TXNRD3: variants seen among roughly 807,000 people sequenced by gnomAD.
The protein encoded by TXNRD3 is thioredoxin reductase 3.
A neutral mutation model predicts 78.2 loss-of-function variants in TXNRD3; 68 were observed. The ratio of observed to expected loss-of-function variants is 0.87; its 90% CI spans 0.72 to 1.06. TXNRD3 has a LOEUF of 1.06. Ranked by LOEUF, TXNRD3 falls within the 50% of genes least tolerant of loss-of-function variation. The probability of loss-of-function intolerance (pLI) is 0.00; values close to 1 mark genes in which losing one functional copy is unlikely to be tolerated. For missense variants in TXNRD3, 751 were observed against 809.5 expected (o/e 0.93, Z 0.88); for synonymous variants, 296 against 300.1 (o/e 0.99, Z 0.14).
At chr3:126,631,016 CTT>C (rs1179061605) in intron 8 of TXNRD3, 79 bp from the exon 9 acceptor site, 1 of 1,299,836 alleles carries the variant, frequency 7.7e-7, no homozygotes, top group African/African-American at 1.5e-5. Flanking sequence ...GTATAATGGT[CTT>C]GTGATGACTG....
At position 126,615,294 on chromosome 3, in the gene TXNRD3, G is replaced by A. The variant is rs543752440; in HGVS notation, c.1632+61C>T. ...CAAAATGATGAAATAAAAAGTGACC[G>A]CAAAGATAAATTGTTGATTAAAAGA... On this transcript the variant is annotated intron_variant, in intron 13 of 15. Transcript: ENST00000524230. 107 of 742,582 alleles carry A rather than the reference G, an allele frequency of 1.4e-4. 1 individual carries two copies. Among genetic ancestry groups the A allele is most frequent in the Middle Eastern group, 1.4e-3 (4 of 2,940 alleles). 46.0% of individuals were successfully genotyped at this position (742,582 alleles called of 1,614,324 possible). A position where few individuals can be genotyped will look rare whatever the true frequency, so the allele number is the denominator to read the frequency against.
chr3:126,653,327 A>C (rs1343961746), intron 1 of TXNRD3, among the ~76,000 whole-genome samples: 1 of 152,262 alleles, frequency 6.6e-6, no homozygotes, highest in Non-Finnish European at 1.5e-5. Context: ...CCAAAGAATA[A>C]GCATCCTAAA....
chr3:126,627,891 A>C (rs1938616130), intron 10 of TXNRD3, among the ~76,000 whole-genome samples: 1 of 152,228 alleles, frequency 6.6e-6, no homozygotes, highest in Non-Finnish European at 1.5e-5. Flanking sequence ...TTGATACTCA[A>C]ACCTAAAATT....
intron 6 of TXNRD3, among the ~76,000 whole-genome samples, chr3:126,637,963 T>TTTG (rs1932949799): frequency 9.7e-6 from 1 of 102,578 alleles, no homozygotes; most frequent in African/African-American, 3.4e-5. Context: ...TTTTTTTTTT[T>TTTG]GAGATGGAGT....
intron 8 of TXNRD3, 63 bp from the exon 9 acceptor site, chr3:126,631,000 T>G (rs1938702134): frequency 6.9e-7 from 1 of 1,449,254 alleles, no homozygotes; most frequent in African/African-American, 1.4e-5. Context: ...TTATTCATGT[T>G]TCAGTGTATA....
intron 13 of TXNRD3, among the ~76,000 whole-genome samples, chr3:126,612,552 C>T (rs886724145): frequency 2.6e-5 from 4 of 152,100 alleles, no homozygotes; most frequent in African/African-American, 4.8e-5. Context: ...AAACTCGGCT[C>T]ACCGCAAGCT....
chr3:126,651,194 G>A (rs749729104), intron 1 of TXNRD3, among the ~76,000 whole-genome samples: 2 of 152,100 alleles, frequency 1.3e-5, no homozygotes, highest in Admixed American at 6.5e-5. Flanking sequence ...GTTAGTGAGC[G>A]GCCACATGTA....
chr3:126,611,939 G>A (rs1938206837), intron 13 of TXNRD3, among the ~76,000 whole-genome samples: 1 of 152,014 alleles, frequency 6.6e-6, no homozygotes. Context: ...TTATTAAGGA[G>A]GTATCACAAT....
chr3:126,654,619 A>C (rs929917223), intron 1 of TXNRD3, 129 bp downstream of exon 1: 7 of 409,622 alleles, frequency 1.7e-5, no homozygotes, highest in Non-Finnish European at 2.6e-5. Flanking sequence ...AGAGGAGAGG[A>C]CGGACGGCTG....
At chr3:126,627,455 C>G (rs542830751) in intron 10 of TXNRD3, among the ~76,000 whole-genome samples, 1 of 152,192 alleles carries the variant, frequency 6.6e-6, no homozygotes, top group East Asian at 1.9e-4. Context: ...TGTTCTGTTA[C>G]CTAAAGGAGT....
In TXNRD3 at chr3:126,622,582, G is replaced by A. The variant is rs541937997; in HGVS notation, c.1291-42C>T. ...ATCAAAAACACAAATTATCCATATC[G>A]GGAATGAAAGAAGGAACATCACTAT... On this transcript the variant is annotated intron_variant, in intron 10 of 15. Coordinates refer to ENST00000524230, the MANE Select transcript of TXNRD3 (RefSeq NM_052883.3). The A allele has an allele frequency of 1.1e-4, 150 of 1,422,078 alleles. No homozygotes were observed. In the African/African-American group the frequency reaches 1.6e-3, roughly 15 times the overall value. The allele number at this position is 1,422,078 out of a possible 1,614,324, so 88.1% of individuals were successfully genotyped here. A position where few individuals can be genotyped will look rare whatever the true frequency, so the allele number is the denominator to read the frequency against.
At chr3:126,631,680 G>T in intron 8 of TXNRD3, 84 bp downstream of exon 8, 2 of 832,416 alleles carry the variant, frequency 2.4e-6, no homozygotes, top group Non-Finnish European at 3.8e-6. Context: ...ATCTTTTGTG[G>T]AATAAGACAG....
chr3:126,629,498 G>C (rs1938661350), intron 9 of TXNRD3, 27 bp from the exon 10 acceptor site: 2 of 1,483,124 alleles, frequency 1.3e-6, no homozygotes, highest in East Asian at 4.9e-5. Context: ...GTGTAATGAT[G>C]TTATCTAAAT....
chr3:126,612,777 G>A (rs1435280961), intron 13 of TXNRD3, among the ~76,000 whole-genome samples: 1 of 152,022 alleles, frequency 6.6e-6, no homozygotes, highest in Admixed American at 6.6e-5. Flanking sequence ...TACCCTTCTG[G>A]TTCAAAGTGG....
chr3:126,643,906 A>T, intron 5 of TXNRD3, 75 bp downstream of exon 5: 1 of 1,331,908 alleles, frequency 7.5e-7, no homozygotes, highest in Non-Finnish European at 1.0e-6. Context: ...GATTGTTGTG[A>T]GGATTAAATG....
chr3:126,648,094 T>C (rs751282983), intron 1 of TXNRD3, among the ~76,000 whole-genome samples: 26 of 151,854 alleles, frequency 1.7e-4, no homozygotes, highest in Non-Finnish European at 3.5e-4. Context: ...CAATCCAAAA[T>C]AGAAATTGAG....
At chr3:126,648,114 T>C (rs368693130) in intron 1 of TXNRD3, among the ~76,000 whole-genome samples, 36 of 152,190 alleles carry the variant, frequency 2.4e-4, no homozygotes, top group African/African-American at 8.7e-4. Flanking sequence ...GAAAAAAAAT[T>C]TCATTTATAA....
intron 1 of TXNRD3, among the ~76,000 whole-genome samples, chr3:126,649,964 A>G (rs1456703032): frequency 6.6e-6 from 1 of 152,240 alleles, no homozygotes; most frequent in Admixed American, 6.5e-5. Context: ...AGTGCCACTG[A>G]ACTCTACACT....
At chr3:126,614,529 T>A (rs914109610) in intron 13 of TXNRD3, among the ~76,000 whole-genome samples, 1 of 152,344 alleles carries the variant, frequency 6.6e-6, no homozygotes, top group South Asian at 2.1e-4. Context: ...CTTATTATTA[T>A]ATAAACAGTT....
Sources: gnomAD v4.1 joint callset for allele counts (sites outside exome capture counted in the v4.1 genomes callset) on GRCh38, gnomAD v4.1.1 for gene constraint, MANE v1.5 for transcripts, NCBI Gene and HGNC (gene_info 2026-07-23, HGNC 2026-07-21) for gene names.